Variants in RNF19B observed in about 807,000 individuals in gnomAD.
RNF19B encodes ring finger protein 19B.
In RNF19B, 23 loss-of-function variants were observed where a neutral mutation model predicts 65.5. The observed-to-expected ratio is 0.35, with a 90% CI of 0.25 to 0.50. The LOEUF (loss-of-function observed/expected upper bound fraction) is 0.50, where lower values mean the gene tolerates loss of function less well. Ranked by LOEUF, RNF19B falls within the 20% of genes least tolerant of loss-of-function variation. The pLI is 0.98. For synonymous variants in RNF19B, 372 were observed against 379.6 expected, an observed-to-expected ratio of 0.98 and a Z score of 0.23; for missense variants, 794 against 980.0, an observed-to-expected ratio of 0.81 and a Z score of 2.53.
Position 32,938,386 on chromosome 1 carries a change from T to C in RNF19B, c.1742+11A>G, listed in dbSNP as rs1046148612. The C allele has an allele frequency of 6.2e-7, 1 of 1,614,144 alleles. No individual in the cohort carries two copies. Among genetic ancestry groups the C allele is most frequent in the Non-Finnish European group, 8.5e-7 (1 of 1,180,000 alleles). On this transcript the variant is annotated intron_variant, in intron 8 of 8. Coordinates refer to ENST00000235150, the MANE Select transcript of RNF19B (RefSeq NM_001300826.2). Reference sequence around the variant, plus strand: ...ATGCAACCTCTCCTGGACATCTGACTGTTCACATACCTGTCCTGTGGGTTG... The same window carrying C: ...ATGCAACCTCTCCTGGACATCTGACCGTTCACATACCTGTCCTGTGGGTTG...
At chr1:32,943,526 G>A (rs1002318126) in intron 6 of RNF19B, among the ~76,000 whole-genome samples, 1 of 152,046 alleles carries the variant, frequency 6.6e-6, no homozygotes, top group South Asian at 2.1e-4. Context: ...TGAGGCAGGA[G>A]AATCACTTGA....
rs764941807 is a variant in RNF19B at position 32,949,641 on chromosome 1, G to C, written c.769C>G (p.Gln257Glu). The C allele has an allele frequency of 6.2e-7, 1 of 1,613,854 alleles. No homozygotes were observed. Among genetic ancestry groups the C allele is most frequent in the Non-Finnish European group, 8.5e-7 (1 of 1,179,986 alleles). Residue 257 changes from glutamine to glutamate, a missense_variant, in exon 2 of 9, where the codon CAG becomes GAG. By Grantham distance (29) the Gln-to-Glu change is conservative. This residue lies in a region of RNF19B where 374 missense variants were observed against 423.8 expected (regional missense o/e 0.88). Coordinates refer to ENST00000235150, the MANE Select transcript of RNF19B (RefSeq NM_001300826.2). Reference protein sequence around the residue: ...PNQTCDMARQQRAQTLRVRTK... With the variant: ...PNQTCDMARQERAQTLRVRTK... ...CGAACTCGTAAAGTCTGGGCCCTCT[G>C]TTGACGGGCCATATCGCATGTCTGA...
rs143289837 is a variant in RNF19B at position 32,949,602 on chromosome 1, A to C, written c.808T>G (p.Ser270Ala). The C allele has an allele frequency of 1.9e-6, 3 of 1,613,880 alleles. No individual in the cohort carries two copies. The highest frequency in any genetic ancestry group is 2.5e-6 in the Non-Finnish European group (3 of 1,180,018). ...QTLRVRTKHT[S>A]GLSYGQESGP... ...GATTCTTGCCCATAACTGAGACCTG[A>C]AGTGTGTTTGGTCCGAACTCGTAAA... Residue 270 changes from serine to alanine, a missense_variant, in exon 2 of 9, where the codon TCA (serine) becomes GCA (alanine). This residue lies in a region of RNF19B where 374 missense variants were observed against 423.8 expected (regional missense o/e 0.88). Coordinates refer to ENST00000235150, the MANE Select transcript of RNF19B (RefSeq NM_001300826.2).
chr1:32,954,214 CT>C lies in RNF19B; in HGVS notation c.636-4441del, dbSNP rs1206250393. On this transcript the variant is annotated intron_variant, in intron 1 of 8. Transcript: ENST00000235150. ...AGTGTGAGCCACCGTGCCCAGCCCA[CT>C]TTTTTTTTTTTCTTGAAAAAGAAGA... Among the ~76,000 whole-genome samples, 142 of 144,450 alleles carry C rather than the reference CT, an allele frequency of 9.8e-4. 1 individual carries two copies. The highest frequency in any genetic ancestry group is 1.7e-3 in the South Asian group (8 of 4,602). The allele number at this position is 144,450 out of a possible 152,430, so 94.8% of individuals were successfully genotyped here. A position where few individuals can be genotyped will look rare whatever the true frequency, so the allele number is the denominator to read the frequency against.
At chr1:32,933,140 CTTTGTAT>C (rs1642047507), downstream of RNF19B, among the ~76,000 whole-genome samples, 1 of 152,104 alleles carries the variant, frequency 6.6e-6, no homozygotes, top group Non-Finnish European at 1.5e-5. Flanking sequence ...GGGACAGGAA[CTTTGTAT>C]TTTAGTCATT....
chr1:32,962,890 C>T (rs1642805850), intron 1 of RNF19B, among the ~76,000 whole-genome samples: 1 of 152,206 alleles, frequency 6.6e-6, no homozygotes, highest in African/African-American at 2.4e-5. Context: ...AACAATTAGA[C>T]TTCTAAAGGC....
At chr1:32,957,984 C>T (rs902631178) in intron 1 of RNF19B, among the ~76,000 whole-genome samples, 1 of 152,164 alleles carries the variant, frequency 6.6e-6, no homozygotes, top group Non-Finnish European at 1.5e-5. Context: ...CTTCTAGAGC[C>T]TAATTGAAAG....
At chr1:32,931,669 C>A (rs910389645), downstream of RNF19B, among the ~76,000 whole-genome samples, 2 of 152,222 alleles carry the variant, frequency 1.3e-5, no homozygotes, top group Non-Finnish European at 2.9e-5. Flanking sequence ...ATGAGCCTTG[C>A]GGCTACAAAA....
At position 32,941,212 on chromosome 1, in the gene RNF19B, G is replaced by GA. The variant is rs199595852; in HGVS notation, c.1610+1039dup. On this transcript the variant is annotated intron_variant, in intron 7 of 8. Transcript: ENST00000235150. Reference sequence around the variant, plus strand: ...CATTCCAGCCTGGATGACACAGTGAGAAAAAAAACAAAAAAAAATCCCCAA... The same window carrying GA: ...CATTCCAGCCTGGATGACACAGTGAGAAAAAAAAACAAAAAAAAATCCCCAA... Among the ~76,000 whole-genome samples, 766 of 150,800 alleles carry GA rather than the reference G, an allele frequency of 5.1e-3. 6 individuals carry two copies. Among genetic ancestry groups the GA allele is most frequent in the African/African-American group, 0.017 (681 of 41,058 alleles).
chr1:32,943,985 A>C, intron 6 of RNF19B, 34 bp downstream of exon 6: 1 of 1,582,246 alleles, frequency 6.3e-7, no homozygotes, highest in Admixed American at 1.8e-5. Context: ...TGTATATCAT[A>C]AATTCAAATG....
chr1:32,929,199 T>TGCATCACCCCAGTCTCTGCC, the RNF19B span, among the ~76,000 whole-genome samples: 2 of 152,218 alleles, frequency 1.3e-5, no homozygotes, highest in Non-Finnish European at 2.9e-5. Flanking sequence ...TGGCCTCTGC[T>TGCATCACCCCAGTCTCTGCC]GCATCACCCC....
chr1:32,947,530 G>A (rs1429632774), intron 3 of RNF19B, among the ~76,000 whole-genome samples: 2 of 152,116 alleles, frequency 1.3e-5, no homozygotes, highest in South Asian at 2.1e-4. Context: ...ATGGTGGCAG[G>A]TGCCTGTAAT....
At position 32,942,507 on chromosome 1, in the gene RNF19B, C is replaced by T. The variant is rs184266303; in HGVS notation, c.1403-48G>A. Reference sequence around the variant, plus strand: ...AATTCAAGACAGCAGAGCATCAAAACAGTCAGTAGGCATTTTCCTGCAATG... The same window carrying T: ...AATTCAAGACAGCAGAGCATCAAAATAGTCAGTAGGCATTTTCCTGCAATG... On this transcript the variant is annotated intron_variant, in intron 6 of 8. Coordinates refer to ENST00000235150, the MANE Select transcript of RNF19B (RefSeq NM_001300826.2). The T allele has an allele frequency of 5.0e-5, 76 of 1,521,528 alleles. No individual in the cohort carries two copies. In the African/African-American group the frequency reaches 8.3e-4, roughly 17 times the overall value. The allele number at this position is 1,521,528 out of a possible 1,614,324, so 94.3% of individuals were successfully genotyped here.
At chr1:32,955,624 C>CT (rs1197785614) in intron 1 of RNF19B, among the ~76,000 whole-genome samples, 2 of 151,682 alleles carry the variant, frequency 1.3e-5, no homozygotes, top group Non-Finnish European at 2.9e-5. Context: ...TAGTGCATGC[C>CT]TGTAGTCCCA....
At chr1:32,941,969 T>C (rs1205716028) in intron 7 of RNF19B, among the ~76,000 whole-genome samples, 1 of 151,740 alleles carries the variant, frequency 6.6e-6, no homozygotes, top group Non-Finnish European at 1.5e-5. Context: ...TGGTGGCGGG[T>C]GCCTGTAATC....
chr1:32,941,434 G>A (rs539346950), intron 7 of RNF19B, among the ~76,000 whole-genome samples: 1 of 152,220 alleles, frequency 6.6e-6, no homozygotes, highest in African/African-American at 2.4e-5. Flanking sequence ...CAGCCTCTTG[G>A]GAGGCTGAGG....
rs1265923464 is a variant in RNF19B at position 32,940,922 on chromosome 1, G to A, written c.1610+1330C>T. 3.3e-5 allele frequency among the ~76,000 whole-genome samples: 5 copies of A among 152,178 alleles called. No individual in the cohort carries two copies. The East Asian group carries it at 9.6e-4, about 29-fold the overall frequency. ...CAAATGGAAATAGAAAGGTAATAAG[G>A]ATTGCAGTATCACTAAACCAGCTGG... On this transcript the variant is annotated intron_variant, in intron 7 of 8. Coordinates refer to ENST00000235150, the MANE Select transcript of RNF19B (RefSeq NM_001300826.2).
At chr1:32,940,004 C>T (rs578085453) in intron 7 of RNF19B, among the ~76,000 whole-genome samples, 3 of 152,208 alleles carry the variant, frequency 2.0e-5, no homozygotes, top group African/African-American at 4.8e-5. Context: ...TAGCAGCCTG[C>T]AGCTGCACAT....
rs1179566973 is a variant in RNF19B at position 32,964,626 on chromosome 1, G to A, written c.60C>T (p.Pro20=). 2.0e-6 allele frequency: 3 copies of A among 1,471,494 alleles called. No individual in the cohort carries two copies. The African/African-American group carries it at 4.4e-5, about 22-fold the overall frequency. 91.2% of individuals were successfully genotyped at this position (1,471,494 alleles called of 1,614,324 possible). ...PRSTSLHAAA[P]DPKCRSGGRR... is the part of the protein sequence containing the mutation. ...GGCCGCCGCTGCGGCACTTAGGGTC[G>A]GGTGCGGCCGCATGTAGCGATGTGG... The change falls in exon 1 of 9, where the codon CCC becomes CCT. Residue 20 remains proline, a synonymous_variant. Transcript: ENST00000235150. The surrounding 1 kb of genome is among the most constrained non-coding windows in gnomAD (Gnocchi z 6.5).
Sources: allele counts gnomAD v4.1 joint callset (sites outside exome capture counted in the v4.1 genomes callset), GRCh38; gene constraint gnomAD v4.1.1; regional missense constraint gnomAD v4.1.1; non-coding constraint Gnocchi (gnomAD v3.1); transcripts MANE v1.5; gene names NCBI Gene and HGNC (gene_info 2026-07-23, HGNC 2026-07-21).